TTC23: variants seen among roughly 807,000 people sequenced by gnomAD.
The protein encoded by TTC23 is tetratricopeptide repeat protein 23.
TTC23 carries 58 observed loss-of-function variants against 55.1 expected under a neutral mutation model. The ratio of observed to expected loss-of-function variants is 1.05; its 90% CI spans 0.85 to 1.31. The LOEUF (loss-of-function observed/expected upper bound fraction) is 1.31. TTC23 is among the 50% of genes most tolerant of loss of function. TTC23 has a pLI of 0.00. For missense variants in TTC23, 516 were observed against 534.4 expected (o/e 0.97, Z 0.34); for synonymous variants, 203 against 199.9 (o/e 1.02, Z -0.13).
intron 9 of TTC23, among the ~76,000 whole-genome samples, chr15:99,188,991 T>TGGTC (rs2074992642): frequency 1.3e-5 from 2 of 152,120 alleles, no homozygotes; most frequent in African/African-American, 4.8e-5. Context: ...TTCAACCTAG[T>TGGTC]GGTCCCATGC....
At position 99,139,330 on chromosome 15, in the gene TTC23, C is replaced by A. The variant is rs782006779; in HGVS notation, c.1213G>T (p.Gly405Cys). The change falls in exon 13 of 14, where the codon GGC becomes TGC. Residue 405 changes from glycine to cysteine, a missense_variant. Physicochemically the swap from Gly to Cys is radical, Grantham distance 159. Transcript: ENST00000394132. Reference sequence around the variant, plus strand: ...ACGCCAACTCACGTGGACAGCATGCCCATGGCCTGCTGGGTGGCCAGAGTC... The same window carrying A: ...ACGCCAACTCACGTGGACAGCATGCACATGGCCTGCTGGGTGGCCAGAGTC... ...KRTLATQQAMGMLSTAPKVAS... is the reference protein window; with the variant it reads ...KRTLATQQAMCMLSTAPKVAS... 6.2e-7 allele frequency: 1 copy of A among 1,613,280 alleles called. No individual in the cohort carries two copies. Among genetic ancestry groups the A allele is most frequent in the South Asian group, 1.1e-5 (1 of 91,074 alleles).
chr15:99,228,661 C>G lies in TTC23; in HGVS notation c.52G>C (p.Ala18Pro). ...TTTCTATGAGTGATGCTAACAGCAG[C>G]AACAACTTCATCTAGGTGGTTGGAT... ...HISNHLDEVV[A>P]AVSITHRKKF... Residue 18 changes from alanine to proline, a missense_variant, in exon 5 of 14, where the codon GCT becomes CCT. Ala to Pro is a conservative substitution (Grantham distance 27). Transcript: ENST00000394132. 2 of 1,613,452 alleles carry G rather than the reference C, an allele frequency of 1.2e-6. No individual in the cohort carries two copies. The highest frequency in any genetic ancestry group is 8.5e-7 in the Non-Finnish European group (1 of 1,179,608).
chr15:99,239,358 G>A (rs558551323), intron 3 of TTC23, among the ~76,000 whole-genome samples: 1 of 152,210 alleles, frequency 6.6e-6, no homozygotes, highest in Non-Finnish European at 1.5e-5. Flanking sequence ...GGTGGCATGT[G>A]CCTGTAGTCC....
intron 4 of TTC23, among the ~76,000 whole-genome samples, chr15:99,229,526 G>C (rs554846102): frequency 1.3e-5 from 2 of 152,330 alleles, no homozygotes; most frequent in East Asian, 3.9e-4. Flanking sequence ...CTGAGTTGAG[G>C]AAGTAGAGTT....
intron 9 of TTC23, among the ~76,000 whole-genome samples, chr15:99,187,452 C>CAAAAAAAAAAAA (rs66568931): frequency 0.011 from 500 of 44,138 alleles, 9 homozygotes; most frequent in African/African-American, 0.014. Flanking sequence ...AAAGCACAAG[C>CAAAAAAAAAAAA]AAAAAAAAAA....
intron 8 of TTC23, among the ~76,000 whole-genome samples, chr15:99,204,197 G>A (rs569772642): frequency 1.3e-5 from 2 of 152,194 alleles, no homozygotes; most frequent in African/African-American, 2.4e-5. Context: ...ATCGGGGTGC[G>A]ATATCTCATT....
At chr15:99,230,455 T>A (rs1485339417) in intron 4 of TTC23, among the ~76,000 whole-genome samples, 5 of 152,062 alleles carry the variant, frequency 3.3e-5, no homozygotes, top group Admixed American at 3.3e-4. Flanking sequence ...TAATGGCCAA[T>A]ATTTTTCCAA....
At chr15:99,175,410 G>A (rs2073429706) in intron 9 of TTC23, among the ~76,000 whole-genome samples, 1 of 152,220 alleles carries the variant, frequency 6.6e-6, no homozygotes, top group Middle Eastern at 3.2e-3. Context: ...ATCATTAAAC[G>A]TCTATGATCC....
At chr15:99,229,683 A>C (rs987112680) in intron 4 of TTC23, among the ~76,000 whole-genome samples, 7 of 152,272 alleles carry the variant, frequency 4.6e-5, no homozygotes, top group Admixed American at 4.6e-4. Context: ...GTGTAAGAAA[A>C]GTATTTTAGT....
At chr15:99,173,238 C>A (rs2073157680) in intron 10 of TTC23, among the ~76,000 whole-genome samples, 1 of 152,204 alleles carries the variant, frequency 6.6e-6, no homozygotes, top group South Asian at 2.1e-4. Flanking sequence ...CGGATCCAGC[C>A]TTCGCACTTG....
intron 9 of TTC23, among the ~76,000 whole-genome samples, chr15:99,191,732 C>A (rs2075267921): frequency 6.6e-6 from 1 of 152,140 alleles, no homozygotes; most frequent in Non-Finnish European, 1.5e-5. Context: ...ACTAATACAG[C>A]AAAACAGCAG....
At chr15:99,249,960 A>G (rs752651074), upstream of TTC23, among the ~76,000 whole-genome samples, 10 of 152,212 alleles carry the variant, frequency 6.6e-5, no homozygotes, top group Non-Finnish European at 1.2e-4. Flanking sequence ...TCATGATCAA[A>G]TATCAGATAT....
chr15:99,168,182 A>ACTC (rs1354829249), intron 10 of TTC23, among the ~76,000 whole-genome samples: 1 of 152,238 alleles, frequency 6.6e-6, no homozygotes, highest in African/African-American at 2.4e-5. Context: ...CAGGGCTGCT[A>ACTC]CTCACTAGCT....
intron 11 of TTC23, among the ~76,000 whole-genome samples, chr15:99,156,720 G>C (rs548067360): frequency 4.1e-4 from 62 of 152,266 alleles, no homozygotes; most frequent in African/African-American, 1.5e-3. Flanking sequence ...TGACACATGG[G>C]TATTATAGGA....
At chr15:99,227,974 A>T (rs1438895710) in intron 5 of TTC23, among the ~76,000 whole-genome samples, 3 of 152,280 alleles carry the variant, frequency 2.0e-5, no homozygotes, top group East Asian at 3.9e-4. Context: ...GACTACCATT[A>T]TCTGTCCCCC....
chr15:99,219,046 G>C lies in TTC23; in HGVS notation c.307C>G (p.Leu103Val), dbSNP rs1284910764. ...GCATGTTGTTTTGCTTGCAGTGACA[G>C]TCCTGTGGACAAAGAAAAAGAGGTC... ...LAQGYLQLKG[L>V]SLQAKQHAEK... The change falls in exon 7 of 14, where the codon CTG (leucine) becomes GTG (valine). Residue 103 changes from leucine to valine, a missense_variant and splice_region_variant. Transcript: ENST00000394132. 6.2e-7 allele frequency: 1 copy of C among 1,614,036 alleles called. No homozygotes were observed. The highest frequency in any genetic ancestry group is 1.1e-5 in the South Asian group (1 of 91,052).
At chr15:99,147,371 G>A (rs772262941) in intron 12 of TTC23, among the ~76,000 whole-genome samples, 4 of 150,618 alleles carry the variant, frequency 2.7e-5, no homozygotes, top group South Asian at 2.1e-4. Context: ...GACTACAGGC[G>A]CCCGCCACCA....
intron 3 of TTC23, among the ~76,000 whole-genome samples, chr15:99,239,102 G>C (rs1054455275): frequency 2.0e-5 from 3 of 152,272 alleles, no homozygotes; most frequent in African/African-American, 7.2e-5. Context: ...AGAGAAAGAA[G>C]GAATCAGCCA....
At chr15:99,244,389 T>G (rs2080056714) in intron 2 of TTC23, among the ~76,000 whole-genome samples, 1 of 152,096 alleles carries the variant, frequency 6.6e-6, no homozygotes, top group African/African-American at 2.4e-5. Context: ...ATCCTAAGGA[T>G]TCCACAATAA....
Sources: allele counts gnomAD v4.1 joint callset (sites outside exome capture counted in the v4.1 genomes callset), GRCh38; gene constraint gnomAD v4.1.1; transcripts MANE v1.5; gene names NCBI Gene and HGNC (gene_info 2026-07-23, HGNC 2026-07-21).